PCDHGB2: variants seen among roughly 807,000 people sequenced by gnomAD.
PCDHGB2 encodes protocadherin gamma-B2.
A neutral mutation model predicts 59.3 loss-of-function variants in PCDHGB2; 55 were observed. The observed-to-expected ratio is 0.93, with a 90% confidence interval of 0.75 to 1.16. The LOEUF (loss-of-function observed/expected upper bound fraction) is 1.16. Ranked by LOEUF, PCDHGB2 falls within the 50% of genes most tolerant of loss-of-function variation. The probability of loss-of-function intolerance (pLI) is 0.00; values close to 1 mark genes in which losing one functional copy is unlikely to be tolerated. For missense variants in PCDHGB2, 1,228 were observed against 1,198.5 expected, an observed-to-expected ratio of 1.02 and a Z score of -0.36; for synonymous variants, 516 against 512.0, an observed-to-expected ratio of 1.01 and a Z score of -0.11.
In PCDHGB2 at chr5:141,511,259, A is replaced by G; in HGVS notation, c.*86A>G. On this transcript the variant is annotated 3_prime_UTR_variant, in exon 4 of 4. Transcript: ENST00000522605. ...ACCTGCACCCAGGCCTCAGAGTTTCAGGGCTAACCCCCAGAATACTGGTAG... is the reference window on the plus strand; with the variant it reads ...ACCTGCACCCAGGCCTCAGAGTTTCGGGGCTAACCCCCAGAATACTGGTAG... 1.3e-6 allele frequency: 2 copies of G among 1,559,840 alleles called. No individual in the cohort carries two copies. The highest frequency in any genetic ancestry group is 1.7e-6 in the Non-Finnish European group (2 of 1,152,466).
At position 141,431,303 on chromosome 5, in the gene PCDHGB2, G is replaced by T. The variant is rs777784010; in HGVS notation, c.2422-63504G>T. The T allele has an allele frequency of 1.2e-6, 2 of 1,614,060 alleles. No homozygotes were observed. Among genetic ancestry groups the T allele is most frequent in the Non-Finnish European group, 1.7e-6 (2 of 1,180,038 alleles). On this transcript the variant is annotated intron_variant, in intron 1 of 3. Coordinates refer to ENST00000522605, the MANE Select transcript of PCDHGB2 (RefSeq NM_018923.3). The surrounding 1 kb of genome is among the most constrained non-coding windows in gnomAD (Gnocchi z 4.8). ...CCCGAACACTCACTTCTCCCTCATC[G>T]TGCAAAATGGAGCCGACGGTAGTAA...
chr5:141,483,303 T>A (rs1222660132), intron 1 of PCDHGB2, among the ~76,000 whole-genome samples: 1 of 152,146 alleles, frequency 6.6e-6, no homozygotes, highest in Non-Finnish European at 1.5e-5. Context: ...GTGAAGGGAC[T>A]GGGGACATTG....
chr5:141,374,457 A>C lies in PCDHGB2; in HGVS notation c.2421+11901A>C, dbSNP rs775796857. ...TATCCCGTGGAAGTGGAAATAGTGG[A>C]CATTAATGACAATACACCCCGATTC... On this transcript the variant is annotated intron_variant, in intron 1 of 3. Coordinates refer to ENST00000522605, the MANE Select transcript of PCDHGB2 (RefSeq NM_018923.3). The C allele has an allele frequency of 2.5e-6, 4 of 1,613,430 alleles. No homozygotes were observed. The South Asian group carries it at 4.4e-5, about 18-fold the overall frequency.
chr5:141,394,252 A>G, intron 1 of PCDHGB2: 1 of 1,613,902 alleles, frequency 6.2e-7, no homozygotes, highest in Non-Finnish European at 8.5e-7. Flanking sequence ...CACGACCCCG[A>G]CAGCCAGGAG....
In PCDHGB2 at chr5:141,432,171, T is replaced by C. The variant is rs114326665; in HGVS notation, c.2422-62636T>C. On this transcript the variant is annotated intron_variant, in intron 1 of 3. Coordinates refer to ENST00000522605, the MANE Select transcript of PCDHGB2 (RefSeq NM_018923.3). This position sits in a 1 kb window ranked among gnomAD's most constrained non-coding sequence, Gnocchi z 6.0. ...GAGAACAATCCCAGAGGAGTTTCCC[T>C]CGTCTCTGTGACCGCCCACGACCCC... The C allele has an allele frequency of 4.4e-5, 71 of 1,614,046 alleles. No individual in the cohort carries two copies. In the African/African-American group the frequency reaches 8.5e-4, roughly 19 times the overall value.
At chr5:141,474,847 GC>G (rs1357496937) in intron 1 of PCDHGB2, among the ~76,000 whole-genome samples, 1 of 152,198 alleles carries the variant, frequency 6.6e-6, no homozygotes, top group East Asian at 1.9e-4. Context: ...CACTTTACCT[GC>G]CTTCTTCATT....
intron 1 of PCDHGB2, among the ~76,000 whole-genome samples, chr5:141,481,241 A>C (rs557107835): frequency 2.0e-5 from 3 of 152,350 alleles, no homozygotes; most frequent in South Asian, 2.1e-4. Flanking sequence ...AGTATTACAT[A>C]GCATAGCTCT....
chr5:141,369,524 C>T (rs1232865331), intron 1 of PCDHGB2, among the ~76,000 whole-genome samples: 1 of 152,138 alleles, frequency 6.6e-6, no homozygotes, highest in Non-Finnish European at 1.5e-5. Context: ...AGTTTTCAAT[C>T]ATACTTATTT....
intron 1 of PCDHGB2, chr5:141,427,774 G>C: frequency 7.0e-7 from 1 of 1,420,908 alleles, no homozygotes; most frequent in Non-Finnish European, 9.8e-7. Context: ...TTGGAGCTGC[G>C]GGCACTGTCG....
At chr5:141,440,399 A>T (rs1215824479) in intron 1 of PCDHGB2, 1 of 152,164 alleles carries the variant, frequency 6.6e-6, no homozygotes, top group Non-Finnish European at 1.5e-5. Context: ...CCGAGAGGCA[A>T]TCGCACCACT....
intron 1 of PCDHGB2, among the ~76,000 whole-genome samples, chr5:141,381,588 C>A (rs950260472): frequency 6.6e-6 from 1 of 152,192 alleles, no homozygotes; most frequent in African/African-American, 2.4e-5. Context: ...AATCCATTAT[C>A]CAGTTTCTTA....
chr5:141,366,656 G>T lies in PCDHGB2; in HGVS notation c.2421+4100G>T, dbSNP rs377532961. On this transcript the variant is annotated intron_variant, in intron 1 of 3. Transcript: ENST00000522605. Reference sequence around the variant, plus strand: ...CCTGATCTTTCCCCAGCCCAACTACGCAGACACGCTCCTTAGTGAAGAGAG... The same window carrying T: ...CCTGATCTTTCCCCAGCCCAACTACTCAGACACGCTCCTTAGTGAAGAGAG... The T allele has an allele frequency of 2.9e-5, 47 of 1,614,238 alleles. No individual in the cohort carries two copies. Among genetic ancestry groups the T allele is most frequent in the Non-Finnish European group, 3.7e-5 (44 of 1,180,046 alleles).
chr5:141,423,195 G>C, intron 1 of PCDHGB2: 14 of 1,613,544 alleles, frequency 8.7e-6, no homozygotes, highest in Non-Finnish European at 1.2e-5. Flanking sequence ...CCCCTCTCTC[G>C]GCCACCGTCA....
chr5:141,379,025 A>T (rs1320260929), intron 1 of PCDHGB2: 4 of 152,244 alleles, frequency 2.6e-5, no homozygotes, highest in African/African-American at 9.6e-5. Flanking sequence ...GAGTTGGAAG[A>T]TTCTACAATC....
intron 2 of PCDHGB2, among the ~76,000 whole-genome samples, chr5:141,497,578 T>C (rs2099778035): frequency 1.3e-5 from 2 of 150,806 alleles, no homozygotes; most frequent in South Asian, 4.2e-4. Context: ...CTTGCTCTGT[T>C]GCCCAAGCTG....
intron 1 of PCDHGB2, chr5:141,394,458 A>C (rs776488659): frequency 6.2e-7 from 1 of 1,614,100 alleles, no homozygotes; most frequent in Non-Finnish European, 8.5e-7. Context: ...CATGTCACTG[A>C]GCCTGTTCGT....
chr5:141,426,094 G>C (rs2096914562), intron 1 of PCDHGB2, among the ~76,000 whole-genome samples: 1 of 152,350 alleles, frequency 6.6e-6, no homozygotes, highest in African/African-American at 2.4e-5. Flanking sequence ...ACGATATTCT[G>C]TTCAGTCACA....
chr5:141,444,325 C>G (rs2098432231), intron 1 of PCDHGB2, among the ~76,000 whole-genome samples: 1 of 151,840 alleles, frequency 6.6e-6, no homozygotes, highest in Non-Finnish European at 1.5e-5. Flanking sequence ...GCATGTGCCA[C>G]CACGCCCAGC....
intron 1 of PCDHGB2, chr5:141,402,792 A>G (rs947158745): frequency 1.4e-5 from 14 of 1,008,956 alleles, no homozygotes; most frequent in Admixed American, 3.1e-5. Flanking sequence ...CTGCGGCTAC[A>G]CAAAACCCGG....
Sources: gnomAD v4.1 joint callset for allele counts (sites outside exome capture counted in the v4.1 genomes callset) on GRCh38, gnomAD v4.1.1 for gene constraint, Gnocchi (gnomAD v3.1) non-coding constraint, MANE v1.5 for transcripts, NCBI Gene and HGNC (gene_info 2026-07-23, HGNC 2026-07-21) for gene names.